CPA6: variants seen among roughly 807,000 people sequenced by gnomAD.
CPA6 encodes the protein carboxypeptidase B.
A neutral mutation model predicts 63.3 loss-of-function variants in CPA6; 58 were observed. That is an observed-to-expected ratio of 0.92 (90% CI 0.74 to 1.14). CPA6 has a LOEUF of 1.14. CPA6 is among the 50% of genes most tolerant of loss of function. The pLI, the probability that CPA6 is intolerant of heterozygous loss-of-function variation, is 0.00. For missense variants in CPA6, 565 were observed against 526.6 expected, an observed-to-expected ratio of 1.07 and a Z score of -0.71; for synonymous variants, 185 against 179.0, an observed-to-expected ratio of 1.03 and a Z score of -0.27.
At chr8:67,681,882 T>G (rs1816606047) in intron 1 of CPA6, among the ~76,000 whole-genome samples, 1 of 152,138 alleles carries the variant, frequency 6.6e-6, no homozygotes, top group Non-Finnish European at 1.5e-5. Context: ...TTTTCCAGGC[T>G]CTTTCATTTC....
chr8:67,721,671 C>A (rs1422704628), intron 1 of CPA6, among the ~76,000 whole-genome samples: 1 of 152,146 alleles, frequency 6.6e-6, no homozygotes, highest in Non-Finnish European at 1.5e-5. Flanking sequence ...TAACAAAAAA[C>A]CCCTATCACG....
intron 8 of CPA6, among the ~76,000 whole-genome samples, chr8:67,456,429 C>T (rs1363598314): frequency 1.3e-5 from 2 of 152,298 alleles, no homozygotes; most frequent in East Asian, 3.9e-4. Context: ...GTCTCAATTT[C>T]CTTTCAATAC....
chr8:67,534,788 T>C (rs1042041000), intron 2 of CPA6, among the ~76,000 whole-genome samples: 4 of 152,164 alleles, frequency 2.6e-5, no homozygotes, highest in African/African-American at 7.2e-5. Flanking sequence ...TACATAGGTA[T>C]ACACGTGCCA....
At chr8:67,639,166 C>A (rs184392401) in intron 1 of CPA6, among the ~76,000 whole-genome samples, 1 of 151,518 alleles carries the variant, frequency 6.6e-6, no homozygotes, top group Non-Finnish European at 1.5e-5. Flanking sequence ...TAAAGAGCCC[C>A]GTGGTAAATA....
At chr8:67,708,849 A>C (rs1051212321) in intron 1 of CPA6, among the ~76,000 whole-genome samples, 2 of 152,216 alleles carry the variant, frequency 1.3e-5, no homozygotes, top group Non-Finnish European at 2.9e-5. Context: ...TAGGAAGATG[A>C]GCAGAGCAGG....
At chr8:67,577,348 T>C (rs1813653969) in intron 2 of CPA6, among the ~76,000 whole-genome samples, 1 of 152,114 alleles carries the variant, frequency 6.6e-6, no homozygotes, top group Admixed American at 6.5e-5. Flanking sequence ...TGTGAACACA[T>C]GGGAAGGGCC....
chr8:67,434,104 T>A lies in CPA6; in HGVS notation c.975A>T (p.Ala325=), dbSNP rs138313759. Residue 325 remains alanine, a synonymous_variant, in exon 9 of 11, where the codon GCA becomes GCT. Coordinates refer to ENST00000297770, the MANE Select transcript of CPA6 (RefSeq NM_020361.5). ...AGGGATACAGTAACATCTGAGCATA[T>A]GCATGAAAGGAGAGATAAGCCCTAA... is the stretch of plus-strand genomic sequence containing the variant. ...KHIRAYLSFH[A]YAQMLLYPYS... 1 of 1,613,770 alleles carries A rather than the reference T, an allele frequency of 6.2e-7. No homozygotes were observed. The highest frequency in any genetic ancestry group is 8.5e-7 in the Non-Finnish European group (1 of 1,179,872).
rs149223639 is a variant in CPA6 at position 67,624,441 on chromosome 8, A to G, written c.117-190T>C. Among the ~76,000 whole-genome samples, 572 of 152,334 alleles carry G rather than the reference A, an allele frequency of 3.8e-3. 3 individuals are homozygous for G. Among genetic ancestry groups the G allele is most frequent in the African/African-American group, 0.013 (528 of 41,584 alleles). ...GTTCTTTTCTTCTTGTCTTAAAGCT[A>G]TTTGGTGTTTCATCAGCTTTTGAAG... On this transcript the variant is annotated intron_variant, in intron 1 of 10. Transcript: ENST00000297770.
intron 6 of CPA6, among the ~76,000 whole-genome samples, chr8:67,495,964 G>A (rs758119710): frequency 6.6e-6 from 1 of 152,112 alleles, no homozygotes; most frequent in African/African-American, 2.4e-5. Context: ...TAGACTGTAC[G>A]TTGCTGCCTC....
At chr8:67,668,024 A>G (rs1047410396) in intron 1 of CPA6, among the ~76,000 whole-genome samples, 5 of 152,374 alleles carry the variant, frequency 3.3e-5, no homozygotes, top group Non-Finnish European at 7.3e-5. Context: ...GGTGCTGGTC[A>G]CACACATGGG....
At chr8:67,624,272 G>A (rs1299445106) in intron 1 of CPA6, 21 bp from the exon 2 acceptor site, 1 of 1,295,654 alleles carries the variant, frequency 7.7e-7, no homozygotes, top group Non-Finnish European at 1.1e-6. Flanking sequence ...AGAAAAGAAA[G>A]ATGATAATTA....
At chr8:67,726,465 G>A (rs1817598183) in intron 1 of CPA6, among the ~76,000 whole-genome samples, 1 of 152,202 alleles carries the variant, frequency 6.6e-6, no homozygotes, top group African/African-American at 2.4e-5. Flanking sequence ...AAAAGTAATT[G>A]ATGGTGCAAG....
At chr8:67,440,596 T>C (rs553861356) in intron 8 of CPA6, among the ~76,000 whole-genome samples, 1 of 152,144 alleles carries the variant, frequency 6.6e-6, no homozygotes, top group Middle Eastern at 3.4e-3. Context: ...AAATAACATG[T>C]TCTGAGAAAT....
chr8:67,685,040 T>C (rs1320525615), intron 1 of CPA6, among the ~76,000 whole-genome samples: 2 of 152,152 alleles, frequency 1.3e-5, no homozygotes, highest in Non-Finnish European at 2.9e-5. Context: ...ATTGCAAGGC[T>C]TCATTGCAGT....
At chr8:67,530,805 A>T (rs1476691270) in intron 2 of CPA6, among the ~76,000 whole-genome samples, 1 of 152,172 alleles carries the variant, frequency 6.6e-6, no homozygotes, top group African/African-American at 2.4e-5. Flanking sequence ...AAGAGTGGGG[A>T]TGGGAAAAAA....
Position 67,746,309 on chromosome 8 carries a change from T to A in CPA6, c.-180A>T. ...AAGGGAAAAAAAAAGTTCAGGCAGC[T>A]GAGGAAGGGAAGTTGCTATTACGAC... is the stretch of plus-strand genomic sequence containing the variant. On this transcript the variant is annotated 5_prime_UTR_variant, in exon 1 of 11. Coordinates refer to ENST00000297770, the MANE Select transcript of CPA6 (RefSeq NM_020361.5). 1 of 475,248 alleles carries A rather than the reference T, an allele frequency of 2.1e-6. No homozygotes were observed. The highest frequency in any genetic ancestry group is 3.8e-6 in the Non-Finnish European group (1 of 261,216). The allele number at this position is 475,248 out of a possible 1,614,324, so 29.4% of individuals were successfully genotyped here. A position where few individuals can be genotyped will look rare whatever the true frequency, so the allele number is the denominator to read the frequency against.
intron 1 of CPA6, among the ~76,000 whole-genome samples, chr8:67,732,232 C>T (rs1817718960): frequency 6.6e-6 from 1 of 152,184 alleles, no homozygotes; most frequent in Non-Finnish European, 1.5e-5. Context: ...ATACAGGTGG[C>T]AGCTGTGGGA....
intron 8 of CPA6, among the ~76,000 whole-genome samples, chr8:67,461,663 C>T (rs1810810740): frequency 6.6e-6 from 1 of 152,034 alleles, no homozygotes; most frequent in Non-Finnish European, 1.5e-5. Context: ...CCTCACCTCC[C>T]GGACGGGGCG....
At chr8:67,490,105 C>T (rs1246069634) in intron 6 of CPA6, among the ~76,000 whole-genome samples, 2 of 152,144 alleles carry the variant, frequency 1.3e-5, no homozygotes, top group Non-Finnish European at 2.9e-5. Flanking sequence ...CTGTTAAATA[C>T]TGAACAGGAC....
Sources: gnomAD v4.1 joint callset for allele counts (sites outside exome capture counted in the v4.1 genomes callset) on GRCh38, gnomAD v4.1.1 for gene constraint, MANE v1.5 for transcripts, NCBI Gene and HGNC (gene_info 2026-07-23, HGNC 2026-07-21) for gene names.